CD200R1L: variants seen among roughly 807,000 people sequenced by gnomAD.
CD200R1L encodes cell surface glycoprotein CD200 receptor 2.
A neutral mutation model predicts 24.8 loss-of-function variants in CD200R1L; 14 were observed. That is an observed-to-expected ratio of 0.56 (90% CI 0.37 to 0.88). The LOEUF (loss-of-function observed/expected upper bound fraction) is 0.88. Ranked by LOEUF, CD200R1L falls within the 40% of genes least tolerant of loss-of-function variation. CD200R1L has a pLI of 0.00. For missense variants in CD200R1L, 299 were observed against 297.8 expected, an observed-to-expected ratio of 1.00 and a Z score of -0.03; for synonymous variants, 111 against 109.2, an observed-to-expected ratio of 1.02 and a Z score of -0.11.
Position 112,815,834 on chromosome 3 carries a change from A to G in CD200R1L, c.*129T>C, listed in dbSNP as rs1938373070. ...CCTTCTTCCATCTTTCTTTTCTTCTATCCTACTGAGTGGCTTCTATCCTTA... is the reference window on the plus strand; with the variant it reads ...CCTTCTTCCATCTTTCTTTTCTTCTGTCCTACTGAGTGGCTTCTATCCTTA... On this transcript the variant is annotated 3_prime_UTR_variant, in exon 8 of 8. Coordinates refer to ENST00000488794, the MANE Select transcript of CD200R1L (RefSeq NM_001199215.3). 2 of 684,564 alleles carry G rather than the reference A, an allele frequency of 2.9e-6. No homozygotes were observed. Among genetic ancestry groups the G allele is most frequent in the Admixed American group, 2.4e-5 (1 of 41,232 alleles). 42.4% of individuals were successfully genotyped at this position (684,564 alleles called of 1,614,324 possible).
chr3:112,845,336 A>T (rs9814008), intron 2 of CD200R1L, among the ~76,000 whole-genome samples: 47,817 of 152,118 alleles, frequency 0.31, 8,517 homozygotes, highest in Non-Finnish European at 0.4. Context: ...AGATTGAATC[A>T]GGAGAAATTG....
At chr3:112,823,963 A>G (rs1440638618) in intron 6 of CD200R1L, among the ~76,000 whole-genome samples, 1 of 152,114 alleles carries the variant, frequency 6.6e-6, no homozygotes, top group South Asian at 2.1e-4. Flanking sequence ...AATACGAACT[A>G]TAAGAGAGGC....
chr3:112,831,119 T>A (rs141522201), intron 3 of CD200R1L, among the ~76,000 whole-genome samples: 57 of 152,364 alleles, frequency 3.7e-4, no homozygotes, highest in Admixed American at 5.9e-4. Context: ...GATGTTAACA[T>A]GTTTTTTCCT....
chr3:112,838,425 A>G (rs891260308), intron 2 of CD200R1L, among the ~76,000 whole-genome samples: 7 of 151,820 alleles, frequency 4.6e-5, no homozygotes, highest in Admixed American at 6.6e-5. Context: ...GAAGTACTGG[A>G]TGAACTAGAA....
intron 3 of CD200R1L, among the ~76,000 whole-genome samples, chr3:112,835,735 C>G (rs1339305372): frequency 1.3e-5 from 2 of 152,352 alleles, no homozygotes; most frequent in East Asian, 3.9e-4. Flanking sequence ...TCAGCAACCC[C>G]CCTCGGCCTT....
intron 3 of CD200R1L, among the ~76,000 whole-genome samples, chr3:112,837,428 C>G (rs111337431): frequency 9.2e-5 from 14 of 152,306 alleles, no homozygotes; most frequent in African/African-American, 2.6e-4. Context: ...GCTCTGCTCT[C>G]ACTGCAATCC....
intron 7 of CD200R1L, among the ~76,000 whole-genome samples, chr3:112,816,394 T>A (rs186921609): frequency 6.6e-6 from 1 of 152,254 alleles, no homozygotes; most frequent in Admixed American, 6.5e-5. Context: ...GAGTAACGAG[T>A]AGAACAGAAC....
chr3:112,846,403 A>G (rs188817138), intron 1 of CD200R1L, among the ~76,000 whole-genome samples: 25 of 152,362 alleles, frequency 1.6e-4, no homozygotes, highest in Non-Finnish European at 3.1e-4. Context: ...GTAGATTTAC[A>G]TTATCCCAGT....
At chr3:112,836,249 A>G (rs1413711436) in intron 3 of CD200R1L, among the ~76,000 whole-genome samples, 1 of 151,768 alleles carries the variant, frequency 6.6e-6, no homozygotes, top group African/African-American at 2.4e-5. Context: ...TCTCACAGCC[A>G]CTCCTGCTGC....
intron 2 of CD200R1L, among the ~76,000 whole-genome samples, chr3:112,838,633 C>T (rs541649974): frequency 1.9e-4 from 29 of 152,148 alleles, no homozygotes; most frequent in African/African-American, 5.1e-4. Flanking sequence ...ATTTATTTTA[C>T]GGCTCATTTA....
At chr3:112,827,733 C>A (rs373213224) in intron 4 of CD200R1L, 49 bp from the exon 5 acceptor site, 4 of 1,527,424 alleles carry the variant, frequency 2.6e-6, no homozygotes, top group Non-Finnish European at 3.5e-6. Context: ...TGATAAGGAA[C>A]TTCATGTGTT....
At chr3:112,825,019 CCAG>C (rs946937274) in intron 6 of CD200R1L, among the ~76,000 whole-genome samples, 1 of 152,126 alleles carries the variant, frequency 6.6e-6, no homozygotes, top group Non-Finnish European at 1.5e-5. Flanking sequence ...GGGCGGATCA[CCAG>C]ATTAGGAGAT....
chr3:112,840,343 T>C (rs1939049298), intron 2 of CD200R1L, among the ~76,000 whole-genome samples: 1 of 152,186 alleles, frequency 6.6e-6, no homozygotes, highest in Non-Finnish European at 1.5e-5. Context: ...CTTTTACTCA[T>C]GGCAGAAGGC....
intron 7 of CD200R1L, among the ~76,000 whole-genome samples, chr3:112,818,365 T>C (rs964480462): frequency 6.6e-6 from 1 of 152,176 alleles, no homozygotes; most frequent in Non-Finnish European, 1.5e-5. Flanking sequence ...ACATTAGAAC[T>C]CTAAAAAGTA....
rs768215246 is a variant in CD200R1L at position 112,816,847 on chromosome 3, G to A, written c.741-872C>T. Among the ~76,000 whole-genome samples the A allele has an allele frequency of 2.0e-5, 3 of 152,148 alleles. No individual in the cohort carries two copies. The South Asian group carries it at 6.2e-4, about 32-fold the overall frequency. ...GCTGTTCTCATGGTAGTGAATAAGT[G>A]TCATGAGTTCTGATGGTTTTATAAG... On this transcript the variant is annotated intron_variant, in intron 7 of 7. Transcript: ENST00000488794.
At chr3:112,826,776 A>T (rs1250932283) in intron 6 of CD200R1L, among the ~76,000 whole-genome samples, 3 of 152,108 alleles carry the variant, frequency 2.0e-5, no homozygotes, top group African/African-American at 7.2e-5. Flanking sequence ...ATTAATCTCA[A>T]AGTAAGGGCC....
chr3:112,816,888 A>C (rs1938408320), intron 7 of CD200R1L, among the ~76,000 whole-genome samples: 2 of 152,128 alleles, frequency 1.3e-5, no homozygotes, highest in Admixed American at 1.3e-4. Flanking sequence ...GTTCCCTTGC[A>C]CACACTCTCT....
At chr3:112,828,412 A>G (rs752739403) in intron 4 of CD200R1L, among the ~76,000 whole-genome samples, 9 of 152,216 alleles carry the variant, frequency 5.9e-5, no homozygotes, top group African/African-American at 1.7e-4. Context: ...ATGCCTAGTG[A>G]TAAGATGTTT....
intron 2 of CD200R1L, among the ~76,000 whole-genome samples, chr3:112,838,989 C>T (rs1326765834): frequency 6.6e-6 from 1 of 152,106 alleles, no homozygotes; most frequent in South Asian, 2.1e-4. Context: ...TACAAGTCCA[C>T]CCTAAAAATT....
Sources: gnomAD v4.1 joint callset for allele counts (sites outside exome capture counted in the v4.1 genomes callset) on GRCh38, gnomAD v4.1.1 for gene constraint, MANE v1.5 for transcripts, NCBI Gene and HGNC (gene_info 2026-07-23, HGNC 2026-07-21) for gene names.